Variants in WDR70 observed in about 807,000 individuals in gnomAD.
WDR70 encodes the protein WD repeat-containing protein 70.
Under a neutral mutation model 88.6 loss-of-function variants are expected in WDR70, and 53 were observed. The observed-to-expected ratio is 0.60, with a 90% CI of 0.48 to 0.75. The LOEUF is 0.75. WDR70 is among the 30% of genes least tolerant of loss of function. The pLI is 0.00. For synonymous variants in WDR70, 280 were observed against 270.0 expected, an observed-to-expected ratio of 1.04 and a Z score of -0.36; for missense variants, 610 against 823.2, an observed-to-expected ratio of 0.74 and a Z score of 3.17.
chr5:37,516,648 G>A (rs1342000005), intron 9 of WDR70, 58 bp downstream of exon 9: 44 of 1,195,824 alleles, frequency 3.7e-5, no homozygotes, highest in Non-Finnish European at 5.0e-5. Flanking sequence ...TTTATTTAAC[G>A]TTTGGATTGT....
chr5:37,484,281 A>T (rs1473543141), intron 8 of WDR70, among the ~76,000 whole-genome samples: 1 of 152,238 alleles, frequency 6.6e-6, no homozygotes, highest in African/African-American at 2.4e-5. Flanking sequence ...CACTGAGTGA[A>T]CGAGACTCTG....
intron 10 of WDR70, among the ~76,000 whole-genome samples, chr5:37,624,062 ATCG>A (rs926415351): frequency 1.3e-5 from 2 of 152,168 alleles, no homozygotes; most frequent in Non-Finnish European, 2.9e-5. Context: ...AATTTTCAGT[ATCG>A]TCATTCCAGC....
In WDR70 at chr5:37,392,023, A is replaced by G. The variant is rs1258775115; in HGVS notation, c.199A>G (p.Met67Val). ...AGAAGCAAGAGAAAAAGAGGAAGAA[A>G]TGAACAGAGAGAAAGAATTAAGAAG... ...TLEAREKEEE[M>V]NREKELRRQN... The change falls in exon 4 of 18, where the codon ATG becomes GTG. Residue 67 changes from methionine to valine, a missense_variant. Physicochemically the swap from Met to Val is conservative, Grantham distance 21 (BLOSUM62 1). Coordinates refer to ENST00000265107, the MANE Select transcript of WDR70 (RefSeq NM_018034.4). The G allele has an allele frequency of 1.2e-6, 2 of 1,605,652 alleles. No individual in the cohort carries two copies. The highest frequency in any genetic ancestry group is 1.1e-5 in the South Asian group (1 of 88,804).
At chr5:37,455,390 C>T (rs541644899) in intron 7 of WDR70, among the ~76,000 whole-genome samples, 73 of 151,468 alleles carry the variant, frequency 4.8e-4, no homozygotes, top group African/African-American at 1.6e-3. Flanking sequence ...GATTAAGGCA[C>T]GCCACCATGC....
intron 9 of WDR70, among the ~76,000 whole-genome samples, chr5:37,604,820 A>G (rs1395178190): frequency 6.6e-6 from 1 of 152,236 alleles, no homozygotes; most frequent in Non-Finnish European, 1.5e-5. Flanking sequence ...GATTGGAAGT[A>G]GAATTTGCCT....
chr5:37,740,293 T>A (rs1748435237), intron 17 of WDR70, among the ~76,000 whole-genome samples: 1 of 152,200 alleles, frequency 6.6e-6, no homozygotes, highest in Non-Finnish European at 1.5e-5. Flanking sequence ...AAAATATTTC[T>A]CATATGTGGA....
At chr5:37,547,525 G>A (rs1343718012) in intron 9 of WDR70, among the ~76,000 whole-genome samples, 1 of 152,014 alleles carries the variant, frequency 6.6e-6, no homozygotes, top group Admixed American at 6.6e-5. Flanking sequence ...CATAGTAAGT[G>A]TATATATTTA....
At chr5:37,711,627 C>T (rs1034959035) in intron 13 of WDR70, among the ~76,000 whole-genome samples, 1 of 152,138 alleles carries the variant, frequency 6.6e-6, no homozygotes, top group African/African-American at 2.4e-5. Context: ...TGTTTGTTAA[C>T]ATTTCCTTGT....
intron 9 of WDR70, among the ~76,000 whole-genome samples, chr5:37,526,149 T>C (rs902283178): frequency 1.4e-4 from 22 of 152,148 alleles, no homozygotes; most frequent in African/African-American, 4.6e-4. Context: ...CAGCATCATC[T>C]TGATAGCAAA....
intron 9 of WDR70, among the ~76,000 whole-genome samples, chr5:37,526,912 G>C (rs1043172861): frequency 7.2e-5 from 11 of 151,986 alleles, no homozygotes; most frequent in South Asian, 2.1e-4. Flanking sequence ...ACCTAGGAAT[G>C]CAACTTACAA....
intron 10 of WDR70, among the ~76,000 whole-genome samples, chr5:37,630,599 G>A (rs961231630): frequency 6.6e-6 from 1 of 152,142 alleles, no homozygotes; most frequent in Non-Finnish European, 1.5e-5. Context: ...GGACTGGTAG[G>A]CTTTTAGTGC....
At chr5:37,387,169 A>ACC (rs1748646156) in intron 3 of WDR70, among the ~76,000 whole-genome samples, 1 of 151,952 alleles carries the variant, frequency 6.6e-6, no homozygotes, top group Non-Finnish European at 1.5e-5. Context: ...CCTAGGTTTA[A>ACC]GGCCCAGCCC....
At position 37,726,866 on chromosome 5, in the gene WDR70, T is replaced by C. The variant is rs1261140053; in HGVS notation, c.1715-17T>C. Reference sequence around the variant, plus strand: ...GCTCATTCAGTTTCTAATTTGGTTTTTTTTCTTTTGCAATAGGTCGTGGTG... The same window carrying C: ...GCTCATTCAGTTTCTAATTTGGTTTCTTTTCTTTTGCAATAGGTCGTGGTG... On this transcript the variant is annotated splice_polypyrimidine_tract_variant and intron_variant, in intron 16 of 17. Coordinates refer to ENST00000265107, the MANE Select transcript of WDR70 (RefSeq NM_018034.4). 2 of 1,574,794 alleles carry C rather than the reference T, an allele frequency of 1.3e-6. No homozygotes were observed. Among genetic ancestry groups the C allele is most frequent in the South Asian group, 1.2e-5 (1 of 84,788 alleles).
chr5:37,708,464 C>T (rs1396570278), intron 13 of WDR70, among the ~76,000 whole-genome samples: 2 of 151,844 alleles, frequency 1.3e-5, no homozygotes, highest in African/African-American at 2.4e-5. Context: ...ACATGTTACA[C>T]ATGTAACATA....
At chr5:37,721,643 G>C (rs1468337592) in intron 14 of WDR70, 1 of 165,486 alleles carries the variant, frequency 6.0e-6, no homozygotes, top group Non-Finnish European at 1.3e-5. Flanking sequence ...TGTTTGGCAA[G>C]ATTATTCTCT....
intron 7 of WDR70, 62 bp downstream of exon 7, chr5:37,443,434 T>C: frequency 1.3e-6 from 2 of 1,583,144 alleles, no homozygotes; most frequent in Non-Finnish European, 1.7e-6. Context: ...TGGAAGACAG[T>C]GCTGTTGGCT....
intron 10 of WDR70, among the ~76,000 whole-genome samples, chr5:37,650,964 A>ATTTTTTTTT: frequency 6.8e-6 from 1 of 146,674 alleles, no homozygotes. Flanking sequence ...AATGGGCTTC[A>ATTTTTTTTT]TTTTTTTTTT....
chr5:37,440,651 C>T (rs1163014752), intron 6 of WDR70, among the ~76,000 whole-genome samples: 1 of 152,138 alleles, frequency 6.6e-6, no homozygotes, highest in Admixed American at 6.6e-5. Flanking sequence ...AGCCTCCGAG[C>T]TCTGTTTTCT....
intron 9 of WDR70, among the ~76,000 whole-genome samples, chr5:37,603,498 T>G (rs907280415): frequency 1.3e-5 from 2 of 152,162 alleles, no homozygotes; most frequent in African/African-American, 2.4e-5. Flanking sequence ...CCTGAAACTG[T>G]AAAACGACTA....
Sources: allele counts gnomAD v4.1 joint callset (sites outside exome capture counted in the v4.1 genomes callset), GRCh38; gene constraint gnomAD v4.1.1; transcripts MANE v1.5; gene names NCBI Gene and HGNC (gene_info 2026-07-23, HGNC 2026-07-21).